MYO1H: variants seen among roughly 807,000 people sequenced by gnomAD.
MYO1H encodes unconventional myosin-Ih.
A neutral mutation model predicts 149.3 loss-of-function variants in MYO1H; 118 were observed. That is an observed-to-expected ratio of 0.79 (90% CI 0.68 to 0.92). The LOEUF (loss-of-function observed/expected upper bound fraction) is 0.92, where lower values mean the gene tolerates loss of function less well. Ranked by LOEUF, MYO1H falls within the 40% of genes least tolerant of loss-of-function variation. The pLI, the probability that MYO1H is intolerant of heterozygous loss-of-function variation, is 0.00. For synonymous variants in MYO1H, 447 were observed against 465.2 expected (o/e 0.96, Z 0.50); for missense variants, 1,212 against 1,280.7 (o/e 0.95, Z 0.82).
chr12:109,372,141 A>G (rs1215156432), intron 1 of MYO1H, among the ~76,000 whole-genome samples: 6 of 151,956 alleles, frequency 3.9e-5, no homozygotes, highest in Admixed American at 3.9e-4. Flanking sequence ...AGGGAGAAAT[A>G]TTTTCTACGT....
At chr12:109,373,352 A>G (rs893200122) in intron 1 of MYO1H, among the ~76,000 whole-genome samples, 30 of 152,242 alleles carry the variant, frequency 2.0e-4, no homozygotes, top group African/African-American at 5.3e-4. Context: ...ATAATGTTAA[A>G]TAAGTGTCTA....
At chr12:109,390,211 CTT>C (rs545265874) in intron 2 of MYO1H, among the ~76,000 whole-genome samples, 18 of 139,712 alleles carry the variant, frequency 1.3e-4, no homozygotes, top group Admixed American at 1.4e-4. Context: ...ATCTTTTTTT[CTT>C]TTTTTTTTTT....
At chr12:109,351,295 T>C (rs867060333) in intron 1 of MYO1H, among the ~76,000 whole-genome samples, 6 of 152,170 alleles carry the variant, frequency 3.9e-5, no homozygotes, top group Admixed American at 2.0e-4. Flanking sequence ...AAAACTCTTA[T>C]GCCAGGTAAA....
intron 1 of MYO1H, among the ~76,000 whole-genome samples, chr12:109,353,827 T>A (rs1394734459): frequency 6.6e-6 from 1 of 152,132 alleles, no homozygotes; most frequent in Admixed American, 6.5e-5. Context: ...AATTTTTTTT[T>A]ATTTTTAGTA....
intron 26 of MYO1H, 110 bp from the exon 27 acceptor site, chr12:109,442,107 C>A: frequency 2.3e-6 from 2 of 879,502 alleles, no homozygotes; most frequent in Non-Finnish European, 3.7e-6. Context: ...GCTATTTCCC[C>A]ACCTGAGATC....
chr12:109,396,273 C>G (rs1869900574), intron 3 of MYO1H, 111 bp from the exon 4 acceptor site: 3 of 833,670 alleles, frequency 3.6e-6, no homozygotes, highest in Non-Finnish European at 5.6e-6. Context: ...GTACCACAGT[C>G]TGGATGTGGC....
At chr12:109,445,539 A>G in exon 31 of MYO1H, 1 of 1,609,854 alleles carries the variant, frequency 6.2e-7, no homozygotes, top group Non-Finnish European at 8.5e-7. Flanking sequence ...AGTCCGGGAA[A>G]AGAAGGCACA....
intron 1 of MYO1H, among the ~76,000 whole-genome samples, chr12:109,353,603 A>T (rs970228573): frequency 1.2e-4 from 18 of 152,146 alleles, no homozygotes. Context: ...ATAAAATGTT[A>T]TCCGAGTATT....
At chr12:109,423,185 G>A (rs1236827146) in intron 16 of MYO1H, among the ~76,000 whole-genome samples, 4 of 152,104 alleles carry the variant, frequency 2.6e-5, no homozygotes, top group Non-Finnish European at 5.9e-5. Flanking sequence ...TTGAGACAGA[G>A]TCTCACTCTG....
At chr12:109,363,570 C>T (rs141074124) in intron 1 of MYO1H, among the ~76,000 whole-genome samples, 51 of 152,054 alleles carry the variant, frequency 3.4e-4, no homozygotes, top group Non-Finnish European at 6.6e-4. Flanking sequence ...AAATTAGCTG[C>T]GTACGGTGGT....
chr12:109,368,205 C>G (rs1477712622), intron 1 of MYO1H, among the ~76,000 whole-genome samples: 1 of 152,256 alleles, frequency 6.6e-6, no homozygotes, highest in Non-Finnish European at 1.5e-5. Flanking sequence ...GTTTATAGGA[C>G]TGTCCGCTCC....
chr12:109,433,937 C>T (rs1871746957), intron 20 of MYO1H, among the ~76,000 whole-genome samples: 1 of 152,188 alleles, frequency 6.6e-6, no homozygotes, highest in South Asian at 2.1e-4. Context: ...GGAACTTTCC[C>T]TCACCAGGCC....
intron 1 of MYO1H, among the ~76,000 whole-genome samples, chr12:109,378,024 G>C (rs767973901): frequency 1.3e-5 from 2 of 152,100 alleles, no homozygotes; most frequent in Non-Finnish European, 1.5e-5. Context: ...TATGCCATAC[G>C]TTGTGATTAT....
chr12:109,409,256 T>C (rs1284793349), intron 10 of MYO1H, among the ~76,000 whole-genome samples: 3,511 of 107,726 alleles, frequency 0.033, 21 homozygotes, highest in Middle Eastern at 0.058. Flanking sequence ...CTTTTTTTTT[T>C]TTTTTTTTTT....
At chr12:109,412,881 G>T (rs923360037) in intron 14 of MYO1H, among the ~76,000 whole-genome samples, 18 of 152,110 alleles carry the variant, frequency 1.2e-4, no homozygotes, top group Non-Finnish European at 2.2e-4. Flanking sequence ...CGCCTCCTGG[G>T]TTTAAACGAT....
the MYO1H span, among the ~76,000 whole-genome samples, chr12:109,341,307 T>G: frequency 6.6e-6 from 1 of 151,538 alleles, no homozygotes; most frequent in African/African-American, 2.4e-5. Context: ...TCAGATTAAT[T>G]CTTGCAGTTT....
rs139646049 is a variant in MYO1H, at chr12:109,447,718, A to G, written c.*536A>G. 32 of 167,812 alleles carry G rather than the reference A, an allele frequency of 1.9e-4. No homozygotes were observed. The East Asian group carries it at 4.0e-3, about 21-fold the overall frequency. The allele number at this position is 167,812 out of a possible 1,614,324, so 10.4% of individuals were successfully genotyped here. On this transcript the variant is annotated 3_prime_UTR_variant, in exon 32 of 32. Coordinates refer to ENST00000310903, the Ensembl canonical transcript of MYO1H. ...GTGTGTCAGGTGCACTGGCGTGTCT[A>G]TGCGGTCCCAGTCTGAGTGAGTGTG...
rs1014117414 is a variant in MYO1H at position 109,397,445 on chromosome 12, A to G, written c.490-287A>G. Reference sequence around the variant, plus strand: ...TGTCCACTGTACCTTCTAGAACAGCATGGGGCTAGGGTTCTATGTACCCCT... The same window carrying G: ...TGTCCACTGTACCTTCTAGAACAGCGTGGGGCTAGGGTTCTATGTACCCCT... On this transcript the variant is annotated intron_variant, in intron 4 of 31. Coordinates refer to ENST00000310903, the Ensembl canonical transcript of MYO1H. 8.5e-5 allele frequency among the ~76,000 whole-genome samples: 13 copies of G among 152,264 alleles called. No individual in the cohort carries two copies. The South Asian group carries it at 2.7e-3, about 32-fold the overall frequency.
At chr12:109,378,488 T>A (rs992966452) in intron 1 of MYO1H, among the ~76,000 whole-genome samples, 1 of 119,828 alleles carries the variant, frequency 8.3e-6, no homozygotes, top group African/African-American at 3.9e-5. Flanking sequence ...ACCCAGCCAA[T>A]TTTTTTTTTC....
Sources: gnomAD v4.1 joint callset for allele counts (sites outside exome capture counted in the v4.1 genomes callset) on GRCh38, gnomAD v4.1.1 for gene constraint, MANE v1.5 for transcripts, NCBI Gene and HGNC (gene_info 2026-07-23, HGNC 2026-07-21) for gene names.